The following SERGEF variants were observed in gnomAD, a reference collection of about 807,000 sequenced individuals.
The protein encoded by SERGEF is secretion-regulating guanine nucleotide exchange factor.
A neutral mutation model predicts 50.0 loss-of-function variants in SERGEF; 51 were observed. That is an observed-to-expected ratio of 1.02 (90% CI 0.81 to 1.29). SERGEF has a LOEUF of 1.29. SERGEF is among the 50% of genes most tolerant of loss of function. SERGEF has a pLI of 0.00. For synonymous variants in SERGEF, 205 were observed against 212.4 expected (o/e 0.97, Z 0.30); for missense variants, 521 against 557.0 (o/e 0.94, Z 0.65).
At chr11:17,997,208 C>T (rs1219346354) in intron 5 of SERGEF, among the ~76,000 whole-genome samples, 7 of 151,942 alleles carry the variant, frequency 4.6e-5, no homozygotes, top group African/African-American at 1.7e-4. Flanking sequence ...ACAAAAAAAG[C>T]GAGGGAGGAG....
chr11:17,883,249 G>A (rs1851369129), intron 9 of SERGEF, among the ~76,000 whole-genome samples: 1 of 152,334 alleles, frequency 6.6e-6, no homozygotes. Flanking sequence ...ACCAGGGCAA[G>A]AGCTGACTGA....
chr11:17,862,089 T>C (rs1850936467), intron 10 of SERGEF, among the ~76,000 whole-genome samples: 2 of 152,206 alleles, frequency 1.3e-5, no homozygotes, highest in Admixed American at 1.3e-4. Flanking sequence ...ACTGTAGCCT[T>C]GTCTCCCACT....
At chr11:17,949,412 C>G (rs974059466) in intron 9 of SERGEF, among the ~76,000 whole-genome samples, 4 of 151,954 alleles carry the variant, frequency 2.6e-5, no homozygotes, top group Admixed American at 6.6e-5. Context: ...CAAGAAGCTC[C>G]AAGGAACAGC....
intron 10 of SERGEF, among the ~76,000 whole-genome samples, chr11:17,821,080 C>G (rs902702725): frequency 6.0e-4 from 91 of 152,266 alleles, no homozygotes; most frequent in Non-Finnish European, 1.2e-3. Context: ...GAGGCAGGGT[C>G]AGGGTTTTTG....
intron 9 of SERGEF, among the ~76,000 whole-genome samples, chr11:17,895,047 A>T (rs1254568163): frequency 2.6e-5 from 4 of 152,076 alleles, no homozygotes; most frequent in African/African-American, 9.7e-5. Context: ...TGACAGGCTG[A>T]CTCTGAGCCA....
chr11:17,997,483 T>C (rs1033350099), intron 5 of SERGEF, among the ~76,000 whole-genome samples: 2 of 152,016 alleles, frequency 1.3e-5, no homozygotes, highest in Non-Finnish European at 2.9e-5. Context: ...CCTCAGAAAA[T>C]TAAAAATAGA....
intron 5 of SERGEF, among the ~76,000 whole-genome samples, chr11:18,000,084 C>T (rs1392342307): frequency 2.0e-5 from 3 of 152,152 alleles, no homozygotes; most frequent in Non-Finnish European, 4.4e-5. Flanking sequence ...GCAGCAGGAC[C>T]CTTTGAAATA....
At chr11:17,910,191 A>ACTCT (rs150069623) in intron 9 of SERGEF, among the ~76,000 whole-genome samples, 47,558 of 131,512 alleles carry the variant, frequency 0.36, 7,563 homozygotes, top group South Asian at 0.46. Context: ...ACACACACAC[A>ACTCT]CACTCTCTCT....
chr11:17,841,773 C>G (rs1438214197), intron 10 of SERGEF, among the ~76,000 whole-genome samples: 1 of 152,198 alleles, frequency 6.6e-6, no homozygotes, highest in African/African-American at 2.4e-5. Flanking sequence ...CCCCCTCCAG[C>G]CTTTTCTCTG....
intron 10 of SERGEF, among the ~76,000 whole-genome samples, chr11:17,869,988 G>A (rs1851106643): frequency 6.6e-6 from 1 of 152,228 alleles, no homozygotes; most frequent in South Asian, 2.1e-4. Context: ...TGTCAAGGGA[G>A]AGACCAGGTG....
chr11:17,983,212 T>C (rs2133991456), intron 8 of SERGEF, among the ~76,000 whole-genome samples: 1 of 152,370 alleles, frequency 6.6e-6, no homozygotes, highest in African/African-American at 2.4e-5. Flanking sequence ...CTAGACATTC[T>C]GACCAACTCC....
intron 9 of SERGEF, among the ~76,000 whole-genome samples, chr11:17,902,868 C>T (rs1214789358): frequency 6.6e-6 from 1 of 152,194 alleles, no homozygotes; most frequent in Non-Finnish European, 1.5e-5. Flanking sequence ...CCAGACATCA[C>T]CTGCCCCAAG....
chr11:17,951,274 G>A (rs751468953), intron 9 of SERGEF, among the ~76,000 whole-genome samples: 7 of 152,034 alleles, frequency 4.6e-5, no homozygotes, highest in South Asian at 2.1e-4. Flanking sequence ...GTCTACAAAC[G>A]CCCTTATATA....
intron 10 of SERGEF, among the ~76,000 whole-genome samples, chr11:17,795,941 G>A (rs565340947): frequency 6.6e-6 from 1 of 152,304 alleles, no homozygotes; most frequent in East Asian, 1.9e-4. Flanking sequence ...AGTAGAAGAT[G>A]ATTTCAAAAA....
intron 9 of SERGEF, among the ~76,000 whole-genome samples, chr11:17,958,627 G>A (rs1035946716): frequency 7.2e-5 from 11 of 152,054 alleles, no homozygotes; most frequent in Non-Finnish European, 1.5e-4. Flanking sequence ...CCTTGATCAG[G>A]TTCCAGCCCA....
Position 18,000,372 on chromosome 11 carries a change from TCAGGAGTTC to T in SERGEF, c.508+116_508+124del, listed in dbSNP as rs1392412469. The T allele has an allele frequency of 9.5e-6, 6 of 631,610 alleles. No homozygotes were observed. In the African/African-American group the frequency reaches 1.2e-4, roughly 12 times the overall value. The allele number at this position is 631,610 out of a possible 1,614,324, so 39.1% of individuals were successfully genotyped here. ...GCTGAGGCAGTTAGACAGCTTGGGCTCAGGAGTTCAAGGCTACAGCAAGCTATGATCGAG... is the reference window on the plus strand; with the variant it reads ...GCTGAGGCAGTTAGACAGCTTGGGCTAAGGCTACAGCAAGCTATGATCGAG... On this transcript the variant is annotated intron_variant, in intron 5 of 10. Transcript: ENST00000265965.
At chr11:17,916,089 C>T (rs1852043738) in intron 9 of SERGEF, among the ~76,000 whole-genome samples, 1 of 152,158 alleles carries the variant, frequency 6.6e-6, no homozygotes, top group Non-Finnish European at 1.5e-5. Flanking sequence ...TGTGGAATCA[C>T]AGCATCCATC....
chr11:17,902,559 A>G (rs1851767168), intron 9 of SERGEF, among the ~76,000 whole-genome samples: 1 of 152,194 alleles, frequency 6.6e-6, no homozygotes, highest in African/African-American at 2.4e-5. Context: ...AGAACAGAAG[A>G]ACACCCAGAA....
intron 10 of SERGEF, among the ~76,000 whole-genome samples, chr11:17,862,844 G>A (rs1850950647): frequency 6.6e-6 from 1 of 152,244 alleles, no homozygotes; most frequent in South Asian, 2.1e-4. Context: ...AATGTCACAT[G>A]TGGTTGTCCC....
Sources: gnomAD v4.1 joint callset for allele counts (sites outside exome capture counted in the v4.1 genomes callset) on GRCh38, gnomAD v4.1.1 for gene constraint, MANE v1.5 for transcripts, NCBI Gene and HGNC (gene_info 2026-07-23, HGNC 2026-07-21) for gene names.